ATP8A2: variants seen among roughly 807,000 people sequenced by gnomAD.
The protein encoded by ATP8A2 is ATPase phospholipid transporting 8A2, also known as phospholipid-transporting ATPase IB.
In ATP8A2, 100 loss-of-function variants were observed where a neutral mutation model predicts 165.6. The observed-to-expected ratio is 0.60, with a 90% confidence interval of 0.51 to 0.71. ATP8A2 has a LOEUF of 0.71. ATP8A2 is among the 30% of genes least tolerant of loss of function. The pLI, the probability that ATP8A2 is intolerant of heterozygous loss-of-function variation, is 0.00. For synonymous variants in ATP8A2, 543 were observed against 548.8 expected, an observed-to-expected ratio of 0.99 and a Z score of 0.15; for missense variants, 1,227 against 1,479.5, an observed-to-expected ratio of 0.83 and a Z score of 2.80.
chr13:25,726,891 A>G (rs939724247), intron 25 of ATP8A2, among the ~76,000 whole-genome samples: 2 of 152,174 alleles, frequency 1.3e-5, no homozygotes, highest in Non-Finnish European at 2.9e-5. Flanking sequence ...GCAATAGGGC[A>G]GGAATGCTGG....
At chr13:25,465,476 A>G (rs1377162654) in intron 1 of ATP8A2, among the ~76,000 whole-genome samples, 1 of 151,288 alleles carries the variant, frequency 6.6e-6, no homozygotes, top group Non-Finnish European at 1.5e-5. Flanking sequence ...ACTCGTGTCA[A>G]TAATTTTTTT....
chr13:25,824,492 G>A (rs530999081), intron 27 of ATP8A2, among the ~76,000 whole-genome samples: 34 of 152,240 alleles, frequency 2.2e-4, no homozygotes, highest in South Asian at 1.5e-3. Flanking sequence ...TTTCATGTGC[G>A]TTTGTCATAT....
intron 30 of ATP8A2, among the ~76,000 whole-genome samples, chr13:25,843,475 G>T (rs528191641): frequency 6.6e-6 from 1 of 152,036 alleles, no homozygotes; most frequent in Non-Finnish European, 1.5e-5. Context: ...TCGTGAGGGC[G>T]GATCTCTCAG....
chr13:25,919,535 G>T (rs1443609992), intron 33 of ATP8A2, among the ~76,000 whole-genome samples: 1 of 151,982 alleles, frequency 6.6e-6, no homozygotes, highest in East Asian at 1.9e-4. Flanking sequence ...GGAGCCTCAG[G>T]ATTCTCTACC....
chr13:25,412,003 A>G (rs2033980455), intron 1 of ATP8A2, among the ~76,000 whole-genome samples: 1 of 152,142 alleles, frequency 6.6e-6, no homozygotes, highest in African/African-American at 2.4e-5. Context: ...CCTGCGTCAG[A>G]CCTGTACAGA....
chr13:25,409,013 C>T (rs946291701), intron 1 of ATP8A2, among the ~76,000 whole-genome samples: 4 of 152,198 alleles, frequency 2.6e-5, no homozygotes, highest in Non-Finnish European at 5.9e-5. Context: ...TAGGTCATTT[C>T]ATGGAATTGT....
intron 2 of ATP8A2, among the ~76,000 whole-genome samples, chr13:25,483,827 A>G (rs992286651): frequency 1.3e-5 from 2 of 152,196 alleles, no homozygotes; most frequent in African/African-American, 4.8e-5. Context: ...CATTGACACC[A>G]GTTATCTGGT....
At chr13:25,904,995 C>T (rs996825506) in intron 33 of ATP8A2, among the ~76,000 whole-genome samples, 1 of 152,188 alleles carries the variant, frequency 6.6e-6, no homozygotes, top group Non-Finnish European at 1.5e-5. Flanking sequence ...TACCTGCATG[C>T]GCATGGCTGT....
intron 23 of ATP8A2, among the ~76,000 whole-genome samples, chr13:25,583,795 AT>A (rs2039843770): frequency 6.6e-6 from 1 of 152,016 alleles, no homozygotes; most frequent in African/African-American, 2.4e-5. Context: ...TGTCCAAACA[AT>A]TTTTTAAAAA....
At chr13:25,512,516 TCC>T (rs2037268541) in intron 2 of ATP8A2, among the ~76,000 whole-genome samples, 1 of 83,530 alleles carries the variant, frequency 1.2e-5, no homozygotes, top group South Asian at 4.6e-4. Flanking sequence ...GGGGCTGACC[TCC>T]CCACCTCCCT....
intron 24 of ATP8A2, among the ~76,000 whole-genome samples, chr13:25,686,481 T>A (rs1271519890): frequency 6.6e-6 from 1 of 152,062 alleles, no homozygotes; most frequent in Non-Finnish European, 1.5e-5. Flanking sequence ...CAGTAGACAC[T>A]GGGAAGCACC....
intron 33 of ATP8A2, among the ~76,000 whole-genome samples, chr13:25,934,156 G>T (rs1954829558): frequency 6.6e-6 from 1 of 152,220 alleles, no homozygotes; most frequent in South Asian, 2.1e-4. Context: ...GGTGTTACCT[G>T]TGCTGGGCCT....
At chr13:25,408,445 G>T (rs893984040) in intron 1 of ATP8A2, among the ~76,000 whole-genome samples, 1 of 152,102 alleles carries the variant, frequency 6.6e-6, no homozygotes, top group African/African-American at 2.4e-5. Flanking sequence ...GCCCTTCTGG[G>T]TTCCCACAGA....
At chr13:25,963,059 C>T (rs2139190397) in intron 34 of ATP8A2, among the ~76,000 whole-genome samples, 1 of 152,006 alleles carries the variant, frequency 6.6e-6, no homozygotes, top group African/African-American at 2.4e-5. Flanking sequence ...AGATTACAGC[C>T]AGAAAAAAAT....
chr13:25,490,129 A>ATGGGGTT (rs2036477257), intron 2 of ATP8A2, among the ~76,000 whole-genome samples: 2 of 152,192 alleles, frequency 1.3e-5, no homozygotes, highest in African/African-American at 4.8e-5. Flanking sequence ...TGTAGTAGAG[A>ATGGGGTT]ACACACATGT....
intron 2 of ATP8A2, among the ~76,000 whole-genome samples, chr13:25,510,923 T>C (rs1259803321): frequency 6.6e-6 from 1 of 152,242 alleles, no homozygotes; most frequent in Admixed American, 6.5e-5. Context: ...AGTTTAGAAG[T>C]GCTTATCATG....
intron 35 of ATP8A2, among the ~76,000 whole-genome samples, chr13:25,992,180 C>T (rs1398980069): frequency 4.2e-5 from 6 of 142,584 alleles, no homozygotes; most frequent in Non-Finnish European, 9.1e-5. Flanking sequence ...CATGAGTGAT[C>T]TAGTTTTTCT....
intron 2 of ATP8A2, among the ~76,000 whole-genome samples, chr13:25,520,946 T>G (rs1480380679): frequency 6.6e-6 from 1 of 152,150 alleles, no homozygotes; most frequent in Non-Finnish European, 1.5e-5. Context: ...CTCCATGCTG[T>G]TTTCTATACT....
At chr13:25,772,946 G>A (rs2044657640) in intron 26 of ATP8A2, among the ~76,000 whole-genome samples, 1 of 151,938 alleles carries the variant, frequency 6.6e-6, no homozygotes, top group African/African-American at 2.4e-5. Context: ...TTTTAGCAGA[G>A]ACGGCGTTTC....
Sources: gnomAD v4.1 joint callset for allele counts (sites outside exome capture counted in the v4.1 genomes callset) on GRCh38, gnomAD v4.1.1 for gene constraint, MANE v1.5 for transcripts, NCBI Gene and HGNC (gene_info 2026-07-23, HGNC 2026-07-21) for gene names.